Variants in SAMD4A observed in about 807,000 individuals in gnomAD.
SAMD4A encodes the protein sterile alpha motif domain containing 4A.
SAMD4A carries 33 observed loss-of-function variants against 81.3 expected under a neutral mutation model. The ratio of observed to expected loss-of-function variants is 0.41; its 90% CI spans 0.31 to 0.54. The LOEUF is 0.54. Among genes scored for constraint, SAMD4A ranks in the 20% least tolerant of loss-of-function variants. The pLI is 0.37. For synonymous variants in SAMD4A, 389 were observed against 382.1 expected (o/e 1.02, Z -0.21); for missense variants, 854 against 951.1 (o/e 0.90, Z 1.34).
intron 3 of SAMD4A, among the ~76,000 whole-genome samples, chr14:54,715,154 G>C (rs914164916): frequency 6.6e-6 from 1 of 151,952 alleles, no homozygotes; most frequent in African/African-American, 2.4e-5. Context: ...CACACATTCA[G>C]GCCAGGGAAG....
chr14:54,754,762 G>A (rs1171152177), intron 6 of SAMD4A: 1 of 930,302 alleles, frequency 1.1e-6, no homozygotes, highest in Non-Finnish European at 1.3e-6. Context: ...GGAGATAGCT[G>A]GGGCCCCGCC....
chr14:54,587,576 G>C (rs1211434628), intron 2 of SAMD4A, among the ~76,000 whole-genome samples: 1 of 151,306 alleles, frequency 6.6e-6, no homozygotes, highest in Non-Finnish European at 1.5e-5. Context: ...TGCCAATTTT[G>C]CTGAGGGTTT....
At chr14:54,675,393 A>AGAATCCCC (rs2035972534) in intron 2 of SAMD4A, among the ~76,000 whole-genome samples, 1 of 151,338 alleles carries the variant, frequency 6.6e-6, no homozygotes, top group Admixed American at 6.6e-5. Context: ...AAAAAGGCAG[A>AGAATCCCC]GAATCCCCTA....
chr14:54,586,442 TC>T (rs1183199823), intron 2 of SAMD4A, among the ~76,000 whole-genome samples: 1 of 152,214 alleles, frequency 6.6e-6, no homozygotes, highest in Non-Finnish European at 1.5e-5. Flanking sequence ...TTAAGTCCCA[TC>T]TATTTATCTT....
chr14:54,576,730 A>C (rs974895632), intron 2 of SAMD4A, among the ~76,000 whole-genome samples: 1 of 152,202 alleles, frequency 6.6e-6, no homozygotes, highest in Non-Finnish European at 1.5e-5. Flanking sequence ...ATAGCCTTTG[A>C]CAAAACCTCT....
intron 2 of SAMD4A, among the ~76,000 whole-genome samples, chr14:54,643,383 A>G (rs2035216765): frequency 6.6e-6 from 1 of 152,214 alleles, no homozygotes; most frequent in Non-Finnish European, 1.5e-5. Context: ...CCCATCTTTG[A>G]TGCTTAGGTT....
chr14:54,629,004 G>A (rs900190916), intron 2 of SAMD4A, among the ~76,000 whole-genome samples: 5 of 152,126 alleles, frequency 3.3e-5, no homozygotes, highest in Non-Finnish European at 7.3e-5. Context: ...AGTTATGAAT[G>A]TGACCTTCTT....
chr14:54,719,793 A>G (rs1044556002), intron 3 of SAMD4A, among the ~76,000 whole-genome samples: 1 of 152,198 alleles, frequency 6.6e-6, no homozygotes, highest in African/African-American at 2.4e-5. Context: ...AGTGCCACCC[A>G]TAAGCGGTTG....
At chr14:54,685,279 C>CCG (rs1555343097) in intron 2 of SAMD4A, among the ~76,000 whole-genome samples, 1 of 148,146 alleles carries the variant, frequency 6.8e-6, no homozygotes, top group African/African-American at 2.5e-5. Flanking sequence ...TTCCTGCCCC[C>CCG]CCCCCCAGCT....
chr14:54,663,820 A>G (rs1346343389), intron 2 of SAMD4A, among the ~76,000 whole-genome samples: 2 of 152,202 alleles, frequency 1.3e-5, no homozygotes, highest in Non-Finnish European at 2.9e-5. Flanking sequence ...GAATGAGCGC[A>G]CCAACCTCTA....
intron 2 of SAMD4A, among the ~76,000 whole-genome samples, chr14:54,577,079 C>G (rs1177518304): frequency 6.6e-6 from 1 of 152,198 alleles, no homozygotes; most frequent in African/African-American, 2.4e-5. Context: ...TCAAGCTGGT[C>G]ACTGCTGTGG....
In SAMD4A at chr14:54,774,896, C is replaced by T. The variant is rs190318676; in HGVS notation, c.1716-38C>T. 1.3e-3 allele frequency: 2,011 copies of T among 1,606,094 alleles called. 2 individuals are homozygous for T. The highest frequency in any genetic ancestry group is 1.7e-3 in the South Asian group (151 of 90,880). ...CTGTGGCTTAAAAAGGGCTGAATAACGACTGATATTCTCTTCCTTCTCTCT... is the reference window on the plus strand; with the variant it reads ...CTGTGGCTTAAAAAGGGCTGAATAATGACTGATATTCTCTTCCTTCTCTCT... On this transcript the variant is annotated intron_variant, in intron 9 of 12. Coordinates refer to ENST00000554335, the MANE Select transcript of SAMD4A (RefSeq NM_015589.6).
chr14:54,776,581 G>A, intron 11 of SAMD4A, 41 bp downstream of exon 11: 1 of 1,473,888 alleles, frequency 6.8e-7, no homozygotes. Flanking sequence ...ACAGAGGGGA[G>A]GCCAAAATAG....
At chr14:54,660,074 C>T (rs1258815162) in intron 2 of SAMD4A, among the ~76,000 whole-genome samples, 1 of 151,278 alleles carries the variant, frequency 6.6e-6, no homozygotes, top group African/African-American at 2.4e-5. Flanking sequence ...AGCGAGACTC[C>T]GTCTCAGAAA....
intron 6 of SAMD4A, among the ~76,000 whole-genome samples, chr14:54,754,410 G>A (rs1439819262): frequency 6.6e-6 from 1 of 152,336 alleles, no homozygotes; most frequent in African/African-American, 2.4e-5. Context: ...GCTTATGTGT[G>A]TCAGATGACT....
chr14:54,738,315 G>T (rs917989763), intron 4 of SAMD4A, among the ~76,000 whole-genome samples: 1 of 152,170 alleles, frequency 6.6e-6, no homozygotes, highest in Non-Finnish European at 1.5e-5. Context: ...GCCCATGACT[G>T]CCCAACCACT....
chr14:54,776,372 T>C (rs773627780), intron 10 of SAMD4A, 42 bp from the exon 11 acceptor site: 1 of 1,568,048 alleles, frequency 6.4e-7, no homozygotes, highest in Non-Finnish European at 8.6e-7. Context: ...TCCACCCCAG[T>C]GGGGCTGAAC....
At chr14:54,777,976 A>G (rs916204050) in intron 11 of SAMD4A, among the ~76,000 whole-genome samples, 1 of 152,094 alleles carries the variant, frequency 6.6e-6, no homozygotes, top group Non-Finnish European at 1.5e-5. Flanking sequence ...CTTTCATCCC[A>G]TCCTCTGTTT....
In SAMD4A at chr14:54,575,985, A is replaced by ATTTC. The variant is rs1566528303; in HGVS notation, c.196+7889_196+7892dup. 2.6e-4 allele frequency among the ~76,000 whole-genome samples: 32 copies of ATTTC among 123,192 alleles called. No individual in the cohort carries two copies. The East Asian group carries it at 5.2e-3, about 20-fold the overall frequency. The allele number at this position is 123,192 out of a possible 152,430, so 80.8% of individuals were successfully genotyped here. A position where few individuals can be genotyped will look rare whatever the true frequency, so the allele number is the denominator to read the frequency against. The stretch of plus-strand genomic sequence containing the variant: ...TATGGAAAATGAGGCTCCAGGAAAG[A>ATTTC]TTTCTTTCTTTCTTTCTTTTTTTTT... On this transcript the variant is annotated intron_variant, in intron 2 of 12. Coordinates refer to ENST00000554335, the MANE Select transcript of SAMD4A (RefSeq NM_015589.6).
Sources: allele counts gnomAD v4.1 joint callset (sites outside exome capture counted in the v4.1 genomes callset), GRCh38; gene constraint gnomAD v4.1.1; transcripts MANE v1.5; gene names NCBI Gene and HGNC (gene_info 2026-07-23, HGNC 2026-07-21).